TPO: variants seen among roughly 807,000 people sequenced by gnomAD.
The protein encoded by TPO is thyroid peroxidase.
In TPO, 78 loss-of-function variants were observed where a neutral mutation model predicts 96.9. The observed-to-expected ratio is 0.81, with a 90% CI of 0.67 to 0.97. The LOEUF is 0.97. Among genes scored for constraint, TPO ranks in the 50% least tolerant of loss-of-function variants. The pLI is 0.00. For synonymous variants in TPO, 547 were observed against 538.0 expected (o/e 1.02, Z -0.23); for missense variants, 1,252 against 1,274.8 (o/e 0.98, Z 0.27).
At chr2:1,538,090 TC>T (rs1442006669) in intron 15 of TPO, among the ~76,000 whole-genome samples, 8 of 67,554 alleles carry the variant, frequency 1.2e-4, no homozygotes, top group African/African-American at 2.5e-4. Context: ...CCTCAAATCC[TC>T]CCCACTGTGT....
chr2:1,440,723 G>A (rs1454971525), intron 5 of TPO, among the ~76,000 whole-genome samples: 1 of 151,888 alleles, frequency 6.6e-6, no homozygotes, highest in Non-Finnish European at 1.5e-5. Flanking sequence ...GAATGGGCAG[G>A]CTTCTTCCTG....
chr2:1,383,367 C>T (rs1463132437), intron 1 of TPO, among the ~76,000 whole-genome samples: 1 of 152,200 alleles, frequency 6.6e-6, no homozygotes, highest in African/African-American at 2.4e-5. Context: ...TGCTATCTCT[C>T]TACATCCTCT....
At chr2:1,496,344 G>A in intron 12 of TPO, 147 bp downstream of exon 12, 1 of 960,410 alleles carries the variant, frequency 1.0e-6, no homozygotes, top group Non-Finnish European at 1.6e-6. Context: ...AGCTCCTGGG[G>A]CGGGGCGGGG....
At chr2:1,422,007 C>A (rs1309428257) in intron 2 of TPO, among the ~76,000 whole-genome samples, 7 of 152,196 alleles carry the variant, frequency 4.6e-5, no homozygotes, top group Non-Finnish European at 8.8e-5. Context: ...CCTGCCCTTG[C>A]CCCAGGGAGC....
chr2:1,459,953 T>C (rs1668257475), intron 7 of TPO, among the ~76,000 whole-genome samples: 1 of 151,582 alleles, frequency 6.6e-6, no homozygotes, highest in African/African-American at 2.4e-5. Context: ...TTTCTTTTTT[T>C]TTTTTTTTGA....
At chr2:1,470,562 A>G (rs1264079849) in intron 7 of TPO, among the ~76,000 whole-genome samples, 1 of 150,338 alleles carries the variant, frequency 6.7e-6, no homozygotes, top group Non-Finnish European at 1.5e-5. Flanking sequence ...TCTATATTTT[A>G]TTTTAAACAT....
intron 5 of TPO, among the ~76,000 whole-genome samples, chr2:1,437,223 A>G (rs1665665725): frequency 6.6e-6 from 1 of 152,224 alleles, no homozygotes; most frequent in Admixed American, 6.5e-5. Flanking sequence ...CCTTTGGCAC[A>G]CAGAGGGGCA....
chr2:1,515,486 T>G (rs939063303), intron 14 of TPO, among the ~76,000 whole-genome samples: 2 of 152,224 alleles, frequency 1.3e-5, no homozygotes, highest in African/African-American at 4.8e-5. Context: ...AGGATCGTTT[T>G]GGAGAAACAG....
At chr2:1,415,393 T>C (rs1452097081) in intron 2 of TPO, among the ~76,000 whole-genome samples, 44 of 92,284 alleles carry the variant, frequency 4.8e-4, no homozygotes, top group Admixed American at 1.4e-3. Flanking sequence ...GGACACAGTC[T>C]CGGGGCCCCT....
At chr2:1,374,946 G>A (rs958655165) in intron 1 of TPO, among the ~76,000 whole-genome samples, 1 of 151,796 alleles carries the variant, frequency 6.6e-6, no homozygotes. Flanking sequence ...AGCCAGGATG[G>A]TCTCGATCTC....
intron 6 of TPO, among the ~76,000 whole-genome samples, chr2:1,455,234 G>T (rs1029512075): frequency 1.1e-4 from 17 of 152,216 alleles, no homozygotes; most frequent in African/African-American, 3.9e-4. Flanking sequence ...GGCCCTTAAT[G>T]TAATCGCATC....
intron 15 of TPO, among the ~76,000 whole-genome samples, chr2:1,530,433 CACT>C (rs545929544): frequency 3.5e-4 from 53 of 149,854 alleles, no homozygotes; most frequent in Admixed American, 1.0e-3. Context: ...AAATCCCCAC[CACT>C]GTGTGCAACC....
chr2:1,400,071 C>G (rs1022927879), intron 1 of TPO, among the ~76,000 whole-genome samples: 1 of 152,108 alleles, frequency 6.6e-6, no homozygotes, highest in Non-Finnish European at 1.5e-5. Context: ...TGGCACTGTC[C>G]CTGTCTATTT....
intron 15 of TPO, among the ~76,000 whole-genome samples, chr2:1,521,634 G>T (rs547904734): frequency 1.9e-4 from 29 of 152,260 alleles, no homozygotes; most frequent in African/African-American, 5.3e-4. Flanking sequence ...AGGGAAGTCC[G>T]AGAGAACTGG....
Position 1,387,582 on chromosome 2 carries a change from C to G in TPO, n.180+13180C>G, listed in dbSNP as rs908075866. Among the ~76,000 whole-genome samples the G allele has an allele frequency of 5.6e-4, 85 of 152,306 alleles. 1 individual carries two copies. The highest frequency in any genetic ancestry group is 6.8e-3 in the Middle Eastern group (2 of 294). On this transcript the variant is annotated intron_variant and non_coding_transcript_variant, in intron 1 of 5. Transcript: ENST00000497517. ...TTCAGCAGGTCCTTTAAGGACTTCT[C>G]TGCATTGGTTATTCTAGTTAGCCAT...
chr2:1,411,944 C>A (rs1166814678), upstream of TPO, among the ~76,000 whole-genome samples: 6 of 152,192 alleles, frequency 3.9e-5, no homozygotes, highest in Non-Finnish European at 8.8e-5. Context: ...GGGACTGTGT[C>A]CCCTAGACGC....
At chr2:1,400,265 G>A (rs1282630709) in intron 1 of TPO, among the ~76,000 whole-genome samples, 2 of 152,204 alleles carry the variant, frequency 1.3e-5, no homozygotes, top group African/African-American at 4.8e-5. Flanking sequence ...GGCCGAAGCA[G>A]GTGGATCACT....
At chr2:1,394,299 C>T (rs1471170531) in intron 1 of TPO, among the ~76,000 whole-genome samples, 4 of 152,096 alleles carry the variant, frequency 2.6e-5, no homozygotes, top group South Asian at 2.1e-4. Flanking sequence ...TGTAATGGAA[C>T]GTATAAAGGG....
chr2:1,448,570 C>T (rs1262191952), intron 5 of TPO, among the ~76,000 whole-genome samples: 1 of 152,194 alleles, frequency 6.6e-6, no homozygotes, highest in African/African-American at 2.4e-5. Flanking sequence ...AGAGTTACGG[C>T]GACTGTCACC....
Sources: allele counts gnomAD v4.1 joint callset (sites outside exome capture counted in the v4.1 genomes callset), GRCh38; gene constraint gnomAD v4.1.1; transcripts MANE v1.5; gene names NCBI Gene and HGNC (gene_info 2026-07-23, HGNC 2026-07-21).